KIAA0232: variants seen among roughly 807,000 people sequenced by gnomAD.
The protein encoded by KIAA0232 is uncharacterized protein KIAA0232.
A neutral mutation model predicts 122.0 loss-of-function variants in KIAA0232; 27 were observed. That is an observed-to-expected ratio of 0.22 (90% confidence interval 0.16 to 0.31). KIAA0232 has a LOEUF of 0.31. Ranked by LOEUF, KIAA0232 falls within the 10% of genes least tolerant of loss-of-function variation. The pLI, the probability that KIAA0232 is intolerant of heterozygous loss-of-function variation, is 1.00. For synonymous variants in KIAA0232, 613 were observed against 587.6 expected (o/e 1.04, Z -0.63); for missense variants, 1,551 against 1,634.2 (o/e 0.95, Z 0.88).
chr4:6,866,827 C>A (rs1721212076), intron 7 of KIAA0232, among the ~76,000 whole-genome samples: 1 of 152,130 alleles, frequency 6.6e-6, no homozygotes, highest in Non-Finnish European at 1.5e-5. Flanking sequence ...TTTGTCCTTG[C>A]CCATACAGAA....
chr4:6,857,324 C>T, intron 5 of KIAA0232, 94 bp downstream of exon 5: 1 of 1,093,216 alleles, frequency 9.1e-7, no homozygotes, highest in Non-Finnish European at 1.3e-6. Context: ...GAAAAGAAAA[C>T]AACCAGAACA....
Position 6,824,676 on chromosome 4 carries a change from C to G in KIAA0232, c.223C>G (p.Gln75Glu), listed in dbSNP as rs1420884961. Residue 75 changes from glutamine (Q) to glutamate (E), a missense_variant, in exon 3 of 10, where the codon CAG (glutamine) becomes GAG (glutamate). This residue lies in a region of KIAA0232 where 377 missense variants were observed against 381.7 expected (regional missense o/e 0.99). Coordinates refer to ENST00000307659, the MANE Select transcript of KIAA0232 (RefSeq NM_014743.3). ...LLHDSYDYDL[Q>E]EQENDIFLGW... is the part of the protein sequence containing the mutation. ...GCATGACAGCTATGACTACGACCTG[C>G]AGGAACAGGTATTTACATATTTTAA... 1 of 1,613,142 alleles carries G rather than the reference C, an allele frequency of 6.2e-7. No homozygotes were observed.
chr4:6,785,477 G>T (rs193230403), intron 1 of KIAA0232, among the ~76,000 whole-genome samples: 3 of 152,340 alleles, frequency 2.0e-5, no homozygotes, highest in Admixed American at 6.5e-5. Context: ...GATGACACCT[G>T]TTTCACAGAA....
At chr4:6,866,278 T>C in intron 7 of KIAA0232, 1 of 965,852 alleles carries the variant, frequency 1.0e-6, no homozygotes, top group Non-Finnish European at 1.2e-6. Context: ...GTTGATGTAT[T>C]TATGTGTTAT....
chr4:6,830,305 T>A (rs1355536247), intron 3 of KIAA0232, among the ~76,000 whole-genome samples: 2 of 152,096 alleles, frequency 1.3e-5, no homozygotes, highest in Non-Finnish European at 2.9e-5. Flanking sequence ...TTTAAAAAAC[T>A]TGAAATATCT....
intron 4 of KIAA0232, among the ~76,000 whole-genome samples, chr4:6,856,291 A>T (rs550217720): frequency 6.6e-6 from 1 of 152,180 alleles, no homozygotes; most frequent in Admixed American, 6.5e-5. Context: ...ACCAATAAGG[A>T]CTTGATTCCA....
At chr4:6,871,467 C>A in intron 7 of KIAA0232, 107 bp from the exon 8 acceptor site, 1 of 656,154 alleles carries the variant, frequency 1.5e-6, no homozygotes, top group Non-Finnish European at 2.7e-6. Flanking sequence ...AAAACCTCAC[C>A]AGTTTAAAAG....
chr4:6,866,298 G>A lies in KIAA0232; in HGVS notation c.3801+2115G>A, dbSNP rs554427196. On this transcript the variant is annotated intron_variant, in intron 7 of 9. Transcript: ENST00000307659. Reference sequence around the variant, plus strand: ...TGTATTTATGTGTTATCAGAATTCCGGGTTTCCTTGAAAGGTCTTAGCTGC... The same window carrying A: ...TGTATTTATGTGTTATCAGAATTCCAGGTTTCCTTGAAAGGTCTTAGCTGC... The A allele has an allele frequency of 3.9e-5, 36 of 934,374 alleles. No homozygotes were observed. In the African/African-American group the frequency reaches 5.3e-4, roughly 14 times the overall value. The allele number at this position is 934,374 out of a possible 1,614,324, so 57.9% of individuals were successfully genotyped here.
At chr4:6,823,164 A>C (rs1040592444) in intron 2 of KIAA0232, among the ~76,000 whole-genome samples, 2 of 151,526 alleles carry the variant, frequency 1.3e-5, no homozygotes, top group Non-Finnish European at 2.9e-5. Context: ...ACATTTTCTT[A>C]ATCCAGTCTA....
intron 1 of KIAA0232, among the ~76,000 whole-genome samples, chr4:6,790,207 C>T (rs959909858): frequency 6.6e-6 from 1 of 152,032 alleles, no homozygotes; most frequent in South Asian, 2.1e-4. Flanking sequence ...TGACATCTTC[C>T]CTAAGTGCTT....
chr4:6,821,818 G>A (rs536812967), intron 2 of KIAA0232, among the ~76,000 whole-genome samples: 2 of 152,028 alleles, frequency 1.3e-5, no homozygotes, highest in Admixed American at 6.6e-5. Context: ...CTATAAATAC[G>A]AACGAGTGTG....
At chr4:6,851,197 A>T (rs143476216) in intron 4 of KIAA0232, among the ~76,000 whole-genome samples, 1 of 152,232 alleles carries the variant, frequency 6.6e-6, no homozygotes, top group Non-Finnish European at 1.5e-5. Context: ...TTAAGAGTTC[A>T]TCCTTCCTAG....
At chr4:6,858,356 C>A in intron 5 of KIAA0232, 69 bp from the exon 6 acceptor site, 1 of 917,094 alleles carries the variant, frequency 1.1e-6, no homozygotes, top group Non-Finnish European at 1.6e-6. Flanking sequence ...AGTTGAGAAA[C>A]TTTGAAATAC....
chr4:6,816,290 T>TG (rs1414895011), intron 2 of KIAA0232, among the ~76,000 whole-genome samples: 2 of 150,350 alleles, frequency 1.3e-5, no homozygotes, highest in African/African-American at 4.9e-5. Context: ...TTTTTTTTGT[T>TG]TTTTTTTTTT....
intron 2 of KIAA0232, among the ~76,000 whole-genome samples, chr4:6,814,109 T>G (rs527961001): frequency 6.6e-6 from 1 of 152,278 alleles, no homozygotes; most frequent in African/African-American, 2.4e-5. Context: ...TGCTGAGCTC[T>G]CTCTCTGGAC....
intron 3 of KIAA0232, among the ~76,000 whole-genome samples, chr4:6,841,526 G>C (rs1719661185): frequency 6.6e-6 from 1 of 152,118 alleles, no homozygotes. Flanking sequence ...TTTGTGTGAA[G>C]ACATTTTCAA....
At chr4:6,820,233 G>C (rs894983224) in intron 2 of KIAA0232, among the ~76,000 whole-genome samples, 1 of 152,014 alleles carries the variant, frequency 6.6e-6, no homozygotes, top group Non-Finnish European at 1.5e-5. Context: ...ACTTGCACAC[G>C]TACCCCCTGA....
chr4:6,850,658 T>G (rs1720226490), intron 4 of KIAA0232, among the ~76,000 whole-genome samples: 1 of 151,876 alleles, frequency 6.6e-6, no homozygotes, highest in African/African-American at 2.4e-5. Flanking sequence ...ATAAAGAAAG[T>G]AGAAAGGAAC....
intron 1 of KIAA0232, among the ~76,000 whole-genome samples, chr4:6,793,044 AT>A (rs1355204287): frequency 6.6e-6 from 1 of 152,080 alleles, no homozygotes; most frequent in Non-Finnish European, 1.5e-5. Context: ...GGTCCCACAA[AT>A]TATGTAGCCA....
Sources: gnomAD v4.1 joint callset for allele counts (sites outside exome capture counted in the v4.1 genomes callset) on GRCh38, gnomAD v4.1.1 for gene constraint, gnomAD v4.1.1 regional missense constraint, MANE v1.5 for transcripts, NCBI Gene and HGNC (gene_info 2026-07-23, HGNC 2026-07-21) for gene names.